TTC28: variants seen among roughly 807,000 people sequenced by gnomAD.
The protein encoded by TTC28 is tetratricopeptide repeat domain 28, also known as tetratricopeptide repeat protein 28.
TTC28 carries 61 observed loss-of-function variants against 198.0 expected under a neutral mutation model. The ratio of observed to expected loss-of-function variants is 0.31; its 90% CI spans 0.25 to 0.38. The LOEUF (loss-of-function observed/expected upper bound fraction) is 0.38. Ranked by LOEUF, TTC28 falls within the 10% of genes least tolerant of loss-of-function variation. TTC28 has a pLI of 1.00. For missense variants in TTC28, 2,678 were observed against 3,164.0 expected (o/e 0.85, Z 3.69); for synonymous variants, 1,171 against 1,297.8 (o/e 0.90, Z 2.10).
At chr22:28,460,608 TAGA>T (rs2047934913) in intron 2 of TTC28, among the ~76,000 whole-genome samples, 2 of 436 alleles carry the variant, frequency 4.6e-3, no homozygotes, top group African/African-American at 0.011. Context: ...TGATTAATGG[TAGA>T]TAGATAGATA....
At chr22:28,152,400 T>A (rs1291090433) in intron 6 of TTC28, among the ~76,000 whole-genome samples, 1 of 151,988 alleles carries the variant, frequency 6.6e-6, no homozygotes, top group Non-Finnish European at 1.5e-5. Flanking sequence ...GCCCAGGTAA[T>A]CCTAGCATGG....
At chr22:28,047,699 C>G (rs149174015) in intron 12 of TTC28, among the ~76,000 whole-genome samples, 1 of 152,306 alleles carries the variant, frequency 6.6e-6, no homozygotes, top group African/African-American at 2.4e-5. Context: ...TCTCAGCAGG[C>G]TTCCAGCCCA....
rs371345910 is a variant in TTC28, at chr22:28,451,521, C to T, written c.382-144878G>A. ...CATAGATAGGTTTTTGGAACTGCAA[C>T]TTTAAGGAGAACAACATACAGCAGG... On this transcript the variant is annotated intron_variant, in intron 2 of 22. Coordinates refer to ENST00000397906, the MANE Select transcript of TTC28 (RefSeq NM_001145418.2). 9.9e-5 allele frequency among the ~76,000 whole-genome samples: 15 copies of T among 152,276 alleles called. No individual in the cohort carries two copies. The East Asian group carries it at 2.1e-3, about 22-fold the overall frequency.
chr22:28,058,410 T>C (rs938512515), intron 12 of TTC28, among the ~76,000 whole-genome samples: 4 of 152,110 alleles, frequency 2.6e-5, no homozygotes, highest in African/African-American at 7.2e-5. Context: ...TTAACAATGT[T>C]GAGTCTTCCA....
chr22:28,673,447 C>T (rs545198813), intron 1 of TTC28, among the ~76,000 whole-genome samples: 2 of 152,108 alleles, frequency 1.3e-5, no homozygotes, highest in Admixed American at 6.6e-5. Context: ...TTACCTGGTA[C>T]GTACTTGGCA....
rs11459818 is a variant in TTC28, at chr22:28,101,782, TAAAAAAAAAAA to T, written c.3308-513_3308-503del. 1.4e-3 allele frequency among the ~76,000 whole-genome samples: 75 copies of T among 53,176 alleles called. 1 individual carries two copies. Among genetic ancestry groups the T allele is most frequent in the Admixed American group, 9.4e-3 (36 of 3,820 alleles). The allele number at this position is 53,176 out of a possible 152,430, so 34.9% of individuals were successfully genotyped here. Reference sequence around the variant, plus strand: ...GCAACTTAGTGAGACCCATCTCTGTTAAAAAAAAAAAAAAAAAAAAAAAAAAAAAAGAATAC... The same window carrying T: ...GCAACTTAGTGAGACCCATCTCTGTTAAAAAAAAAAAAAAAAAAAGAATAC... On this transcript the variant is annotated intron_variant, in intron 8 of 22. Coordinates refer to ENST00000397906, the MANE Select transcript of TTC28 (RefSeq NM_001145418.2).
chr22:28,145,954 C>G (rs1390866281), intron 6 of TTC28, among the ~76,000 whole-genome samples: 2 of 152,164 alleles, frequency 1.3e-5, no homozygotes, highest in Non-Finnish European at 2.9e-5. Context: ...AGGCAGAAAT[C>G]AGCTAAGCAT....
intron 22 of TTC28, among the ~76,000 whole-genome samples, chr22:27,984,307 C>T (rs1309659186): frequency 6.6e-6 from 1 of 152,124 alleles, no homozygotes; most frequent in Non-Finnish European, 1.5e-5. Context: ...CACTGCCTCT[C>T]CCCCATTCTC....
chr22:28,238,387 T>C (rs944166963), intron 5 of TTC28, among the ~76,000 whole-genome samples: 2 of 152,200 alleles, frequency 1.3e-5, no homozygotes, highest in Non-Finnish European at 2.9e-5. Flanking sequence ...TTTTCATTTC[T>C]GAAATTGTAT....
intron 6 of TTC28, among the ~76,000 whole-genome samples, chr22:28,115,767 T>C (rs557450762): frequency 6.6e-6 from 1 of 152,366 alleles, no homozygotes; most frequent in South Asian, 2.1e-4. Flanking sequence ...GAGCCTGTTA[T>C]CTTCTTTTGC....
chr22:28,541,142 T>TACC (rs2049402255), intron 2 of TTC28, among the ~76,000 whole-genome samples: 1 of 152,232 alleles, frequency 6.6e-6, no homozygotes, highest in African/African-American at 2.4e-5. Context: ...GAGCAACAGA[T>TACC]ACCACATCTA....
At chr22:28,162,960 G>T in intron 6 of TTC28, 132 bp downstream of exon 6, 1 of 1,249,340 alleles carries the variant, frequency 8.0e-7, no homozygotes, top group South Asian at 1.6e-5. Flanking sequence ...AAAAGGAAAA[G>T]AAAAGAGCAC....
At chr22:27,987,690 T>G (rs914314661) in intron 21 of TTC28, among the ~76,000 whole-genome samples, 5 of 151,930 alleles carry the variant, frequency 3.3e-5, no homozygotes, top group Admixed American at 3.3e-4. Context: ...GCCTGGGTAA[T>G]AGAGTAAGAC....
intron 5 of TTC28, among the ~76,000 whole-genome samples, chr22:28,220,964 A>C (rs1190606400): frequency 6.6e-6 from 1 of 152,190 alleles, no homozygotes; most frequent in Non-Finnish European, 1.5e-5. Flanking sequence ...CTAAATCTAT[A>C]TCCATAGGGA....
At chr22:28,284,964 A>G (rs1314544647) in intron 5 of TTC28, among the ~76,000 whole-genome samples, 1 of 152,238 alleles carries the variant, frequency 6.6e-6, no homozygotes, top group Non-Finnish European at 1.5e-5. Flanking sequence ...AAAAAGAGCT[A>G]CATTATGATC....
intron 2 of TTC28, among the ~76,000 whole-genome samples, chr22:28,313,803 A>C (rs1193019942): frequency 2.0e-5 from 3 of 152,226 alleles, no homozygotes; most frequent in Non-Finnish European, 2.9e-5. Context: ...AACTGGCACA[A>C]GACAAGGATG....
At chr22:28,197,909 A>ATCTTCAT (rs1463179826) in intron 5 of TTC28, among the ~76,000 whole-genome samples, 36 of 152,222 alleles carry the variant, frequency 2.4e-4, no homozygotes, top group African/African-American at 8.4e-4. Context: ...GGAAAAATTC[A>ATCTTCAT]TCTTCATTAG....
At chr22:28,022,824 T>TA (rs1460147163) in intron 13 of TTC28, among the ~76,000 whole-genome samples, 3 of 152,184 alleles carry the variant, frequency 2.0e-5, no homozygotes, top group African/African-American at 7.2e-5. Flanking sequence ...TCAATTCAAT[T>TA]AAAAAACAGG....
intron 5 of TTC28, among the ~76,000 whole-genome samples, chr22:28,174,239 A>G (rs1922947985): frequency 6.6e-6 from 1 of 152,236 alleles, no homozygotes; most frequent in African/African-American, 2.4e-5. Context: ...TTAATATCTC[A>G]CAGAGCCTTC....
Sources: allele counts gnomAD v4.1 joint callset (sites outside exome capture counted in the v4.1 genomes callset), GRCh38; gene constraint gnomAD v4.1.1; transcripts MANE v1.5; gene names NCBI Gene and HGNC (gene_info 2026-07-23, HGNC 2026-07-21).